The following HNRNPUL1 variants were observed in gnomAD, a reference collection of about 807,000 sequenced individuals.
HNRNPUL1 encodes heterogeneous nuclear ribonucleoprotein U-like protein 1.
HNRNPUL1 carries 14 observed loss-of-function variants against 108.5 expected under a neutral mutation model. The ratio of observed to expected loss-of-function variants is 0.13; its 90% CI spans 0.09 to 0.20. The LOEUF is 0.20. Ranked by LOEUF, HNRNPUL1 falls within the 10% of genes least tolerant of loss-of-function variation. HNRNPUL1 has a pLI of 1.00. For synonymous variants in HNRNPUL1, 422 were observed against 445.2 expected, an observed-to-expected ratio of 0.95 and a Z score of 0.66; for missense variants, 804 against 1,168.3, an observed-to-expected ratio of 0.69 and a Z score of 4.55.
At chr19:41,263,504 G>A (rs558475343), upstream of HNRNPUL1, among the ~76,000 whole-genome samples, 195 of 152,312 alleles carry the variant, frequency 1.3e-3, no homozygotes, top group African/African-American at 4.5e-3. Flanking sequence ...ATAGAGCAAG[G>A]CGGCCGCGGA....
intron 13 of HNRNPUL1, 86 bp downstream of exon 13, chr19:41,304,347 A>T (rs747550866): frequency 2.0e-5 from 31 of 1,521,362 alleles, no homozygotes; most frequent in Non-Finnish European, 2.4e-5. Flanking sequence ...GATCTGGGGA[A>T]ATCAACACAT....
rs2037306576 is a variant in HNRNPUL1, at chr19:41,302,784, C to T, written c.1807C>T (p.Pro603Ser). ...CAACGAGGAAGGCCGCAAGGCTGGG[C>T]CACCCCCTGAAAAGCGCTTTGACAA... ...QYNEEGRKAG[P>S]PPEKRFDNRG... is the part of the protein sequence containing the mutation. Residue 603 changes from proline to serine, a missense_variant, in exon 12 of 15, where the codon CCA (proline) becomes TCA (serine). This residue lies in a region of HNRNPUL1 where 294 missense variants were observed against 388.3 expected (regional missense o/e 0.76). Coordinates refer to ENST00000392006, the MANE Select transcript of HNRNPUL1 (RefSeq NM_007040.6). The T allele has an allele frequency of 6.2e-7, 1 of 1,612,004 alleles. No individual in the cohort carries two copies. The highest frequency in any genetic ancestry group is 8.5e-7 in the Non-Finnish European group (1 of 1,178,388).
Position 41,292,516 on chromosome 19 carries a change from G to C in HNRNPUL1, c.1266+5G>C. 2 of 1,606,622 alleles carry C rather than the reference G, an allele frequency of 1.2e-6. No individual in the cohort carries two copies. Among genetic ancestry groups the C allele is most frequent in the Non-Finnish European group, 1.7e-6 (2 of 1,174,126 alleles). ...AAGAGCAAGGCAGAATGTGAGGTGA[G>C]TGGGGCCAGAATGTATTGGTGGCCA... is the stretch of plus-strand genomic sequence containing the variant. On this transcript the variant is annotated splice_donor_5th_base_variant and intron_variant, in intron 8 of 14. Transcript: ENST00000392006. The surrounding 1 kb of genome is among the most constrained non-coding windows in gnomAD (Gnocchi z 4.1).
Position 41,277,453 on chromosome 19 carries a change from CAT to C in HNRNPUL1, c.786+1157_786+1158del, listed in dbSNP as rs1468321686. On this transcript the variant is annotated intron_variant, in intron 5 of 14. Transcript: ENST00000392006. ...GTTGTGCATTATTTTATGTACCTCT[CAT>C]AGAGAAACACTGCAACAAAATAAAC... Among the ~76,000 whole-genome samples, 17 of 152,338 alleles carry C rather than the reference CAT, an allele frequency of 1.1e-4. No homozygotes were observed. In the East Asian group the frequency reaches 3.3e-3, roughly 29 times the overall value.
intron 7 of HNRNPUL1, among the ~76,000 whole-genome samples, chr19:41,283,337 G>A (rs567359530): frequency 4.6e-4 from 70 of 152,236 alleles, no homozygotes; most frequent in South Asian, 3.5e-3. Context: ...CTGGAGTCTC[G>A]TGGCGCGATC....
At chr19:41,285,311 C>G (rs2036157170) in intron 7 of HNRNPUL1, among the ~76,000 whole-genome samples, 1 of 152,138 alleles carries the variant, frequency 6.6e-6, no homozygotes, top group Non-Finnish European at 1.5e-5. Flanking sequence ...ACTGCAGCCC[C>G]CGCCTCCCCG....
At chr19:41,262,741 A>C (rs1262892449), upstream of HNRNPUL1, 1 of 152,314 alleles carries the variant, frequency 6.6e-6, no homozygotes, top group Non-Finnish European at 1.5e-5. Flanking sequence ...GCCTTACCCA[A>C]AGCAGATCGG....
chr19:41,306,300 T>C, intron 14 of HNRNPUL1, 149 bp from the exon 15 acceptor site: 1 of 585,636 alleles, frequency 1.7e-6, no homozygotes, highest in Non-Finnish European at 3.0e-6. Context: ...GTCAGGTCTT[T>C]CCAAGGTGCC....
At chr19:41,279,789 A>G (rs2035797787) in intron 6 of HNRNPUL1, among the ~76,000 whole-genome samples, 1 of 152,248 alleles carries the variant, frequency 6.6e-6, no homozygotes, top group Non-Finnish European at 1.5e-5. Flanking sequence ...CCATACAGAA[A>G]GGGAAAAATG....
chr19:41,291,420 T>G (rs1350175419), intron 7 of HNRNPUL1, among the ~76,000 whole-genome samples: 1 of 152,170 alleles, frequency 6.6e-6, no homozygotes, highest in Non-Finnish European at 1.5e-5. Flanking sequence ...CTGCGGTGGC[T>G]TTCCTTCATC....
At chr19:41,277,988 A>C (rs1256643962) in intron 5 of HNRNPUL1, among the ~76,000 whole-genome samples, 2 of 149,104 alleles carry the variant, frequency 1.3e-5, no homozygotes, top group Middle Eastern at 3.5e-3. Flanking sequence ...TGTATCTTGG[A>C]CATTTTTCCA....
intron 6 of HNRNPUL1, among the ~76,000 whole-genome samples, chr19:41,280,406 A>T (rs906093135): frequency 7.9e-5 from 12 of 152,082 alleles, no homozygotes; most frequent in Non-Finnish European, 1.5e-4. Context: ...AAAAGTATAC[A>T]GTTTTCATTT....
In HNRNPUL1 at chr19:41,307,585, C is replaced by G. The variant is rs1340550012; in HGVS notation, c.*1020C>G. ...CTCATATGTTTTAACATGATTTTAA[C>G]AAACTGCACTTATTAAGAAATGTGT... On this transcript the variant is annotated 3_prime_UTR_variant, in exon 15 of 15. Transcript: ENST00000392006. 1.3e-5 allele frequency: 2 copies of G among 152,580 alleles called. No homozygotes were observed. The highest frequency in any genetic ancestry group is 4.8e-5 in the African/African-American group (2 of 41,420). 9.5% of individuals were successfully genotyped at this position (152,580 alleles called of 1,614,324 possible). A position where few individuals can be genotyped will look rare whatever the true frequency, so the allele number is the denominator to read the frequency against.
Position 41,294,115 on chromosome 19 carries a change from C to T in HNRNPUL1, c.1267-223C>T, listed in dbSNP as rs981490257. On this transcript the variant is annotated intron_variant, in intron 8 of 14. Transcript: ENST00000392006. This position sits in a 1 kb window ranked among gnomAD's most constrained non-coding sequence, Gnocchi z 4.3. ...GGCGTGAGCTACCGTGCCTGGCCAG[C>T]ACTTGACTTAATGCTCACCCTGTCC... is the stretch of plus-strand genomic sequence containing the variant. Among the ~76,000 whole-genome samples the T allele has an allele frequency of 6.6e-6, 1 of 152,160 alleles. No individual in the cohort carries two copies. The highest frequency in any genetic ancestry group is 2.4e-5 in the African/African-American group (1 of 41,424).
intron 5 of HNRNPUL1, among the ~76,000 whole-genome samples, chr19:41,277,796 C>T (rs535407847): frequency 1.3e-5 from 2 of 152,192 alleles, no homozygotes; most frequent in South Asian, 2.1e-4. Flanking sequence ...CGTGAGCTGC[C>T]GCACCCAGCA....
chr19:41,265,812 G>A (rs1299757388), intron 1 of HNRNPUL1, among the ~76,000 whole-genome samples: 1 of 152,006 alleles, frequency 6.6e-6, no homozygotes, highest in Non-Finnish European at 1.5e-5. Flanking sequence ...AGAGGATCCT[G>A]TGTCCAGCAC....
chr19:41,286,327 A>G (rs1006456356), intron 7 of HNRNPUL1: 2 of 152,202 alleles, frequency 1.3e-5, no homozygotes, highest in African/African-American at 2.4e-5. Context: ...CAGTGTTGCT[A>G]AAGGTCAGCT....
At chr19:41,281,809 T>G (rs1226494049) in intron 7 of HNRNPUL1, among the ~76,000 whole-genome samples, 2 of 152,246 alleles carry the variant, frequency 1.3e-5, no homozygotes, top group Non-Finnish European at 2.9e-5. Context: ...AGCAGTCACC[T>G]TGCTGTGCAG....
chr19:41,263,248 T>A (rs1245708242), upstream of HNRNPUL1, among the ~76,000 whole-genome samples: 1 of 151,988 alleles, frequency 6.6e-6, no homozygotes, highest in Non-Finnish European at 1.5e-5. Context: ...TTGTTTTGAG[T>A]TAGAGGCGAC....
Sources: gnomAD v4.1 joint callset for allele counts (sites outside exome capture counted in the v4.1 genomes callset) on GRCh38, gnomAD v4.1.1 for gene constraint, gnomAD v4.1.1 regional missense constraint, Gnocchi (gnomAD v3.1) non-coding constraint, MANE v1.5 for transcripts, NCBI Gene and HGNC (gene_info 2026-07-23, HGNC 2026-07-21) for gene names.